The following ZNF665 variants were observed in gnomAD, a reference collection of about 807,000 sequenced individuals.
ZNF665 encodes the protein zinc finger protein 665.
ZNF665 carries 6 observed loss-of-function variants against 7.9 expected under a neutral mutation model. That is an observed-to-expected ratio of 0.76 (90% CI 0.42 to 1.50). The LOEUF (loss-of-function observed/expected upper bound fraction) is 1.50. ZNF665 is among the 40% of genes most tolerant of loss of function. The pLI is 0.01. For synonymous variants in ZNF665, 242 were observed against 274.5 expected (o/e 0.88, Z 1.17); for missense variants, 819 against 806.7 (o/e 1.02, Z -0.18).
chr19:53,169,432 A>T (rs2090640771), intron 3 of ZNF665, among the ~76,000 whole-genome samples: 1 of 152,180 alleles, frequency 6.6e-6, no homozygotes, highest in East Asian at 1.9e-4. Context: ...AAAAACTAAA[A>T]TTCTCACACA....
At chr19:53,182,729 T>C (rs2090747287) in intron 2 of ZNF665, 155 bp downstream of exon 2, 1 of 1,333,184 alleles carries the variant, frequency 7.5e-7, no homozygotes, top group African/African-American at 1.4e-5. Flanking sequence ...AGAGATGGAA[T>C]CTAAGTGAGA....
rs1405630360 is a variant in ZNF665, at chr19:53,163,049, T to C, written c.*1404A>G. 1.3e-5 allele frequency: 2 copies of C among 152,428 alleles called. No individual in the cohort carries two copies. The highest frequency in any genetic ancestry group is 2.1e-4 in the South Asian group (1 of 4,826). The allele number at this position is 152,428 out of a possible 1,614,324, so 9.4% of individuals were successfully genotyped here. A position where few individuals can be genotyped will look rare whatever the true frequency, so the allele number is the denominator to read the frequency against. On this transcript the variant is annotated 3_prime_UTR_variant, in exon 4 of 4. Transcript: ENST00000396424. ...GTAGAGAATTTCTTTCTTTCTTTTT[T>C]TGAGTCAGAGTTTCGCTCTTATTGC...
Position 53,164,513 on chromosome 19 carries a change from A to G in ZNF665, c.1977T>C (p.Cys659=). 1 of 1,611,032 alleles carries G rather than the reference A, an allele frequency of 6.2e-7. No homozygotes were observed. The highest frequency in any genetic ancestry group is 8.5e-7 in the Non-Finnish European group (1 of 1,178,910). ...TTGAATTTTGAGTAAAGACCTTGCC[A>G]CATTGGTTACATTTGTAAGGTTTGT... The part of the protein sequence containing the change: ...TGDKPYKCNQ[C]GKVFTQNSNL... Residue 659 remains cysteine (C), a synonymous_variant, in exon 4 of 4, where the codon TGT becomes TGC. Coordinates refer to ENST00000396424, the MANE Select transcript of ZNF665 (RefSeq NM_024733.5).
chr19:53,173,509 G>A (rs141652638), intron 3 of ZNF665, among the ~76,000 whole-genome samples: 341 of 151,624 alleles, frequency 2.2e-3, no homozygotes, highest in African/African-American at 7.9e-3. Flanking sequence ...CAAGTAGCTG[G>A]GACTACAGGT....
rs2090597691 is a variant in ZNF665, at chr19:53,165,112, A to G, written c.1378T>C (p.Cys460Arg). Residue 460 changes from cysteine to arginine, a missense_variant, in exon 4 of 4, where the codon TGT (cysteine) becomes CGT (arginine). Cys to Arg is a radical substitution (Grantham distance 180). Transcript: ENST00000396424. ...AIHTGEKPYK[C>R]NDCGKVFTQN... ...GTGAAGACCTTACCGCAGTCATTACATTTGTAAGGCTTTTCTCCAGTATGA... is the reference window on the plus strand; with the variant it reads ...GTGAAGACCTTACCGCAGTCATTACGTTTGTAAGGCTTTTCTCCAGTATGA... 6.2e-7 allele frequency: 1 copy of G among 1,613,904 alleles called. No homozygotes were observed.
intron 1 of ZNF665, among the ~76,000 whole-genome samples, chr19:53,186,720 T>A: frequency 1.9e-3 from 2 of 1,030 alleles, no homozygotes; most frequent in East Asian, 0.024. Context: ...CCCCCCCACC[T>A]CCCTCCCGGA....
At chr19:53,182,663 C>T in intron 2 of ZNF665, 1 of 958,292 alleles carries the variant, frequency 1.0e-6, no homozygotes, top group Non-Finnish European at 1.6e-6. Context: ...GGTGTGAGCC[C>T]TTCCCAGGTC....
At chr19:53,185,230 TG>T (rs1599885288) in intron 1 of ZNF665, among the ~76,000 whole-genome samples, 2 of 151,850 alleles carry the variant, frequency 1.3e-5, no homozygotes, top group African/African-American at 4.8e-5. Context: ...TAGCGGGTGT[TG>T]TTCCTTGCCA....
chr19:53,190,160 A>T (rs1265286531), intron 1 of ZNF665: 2 of 152,204 alleles, frequency 1.3e-5, no homozygotes, highest in Non-Finnish European at 2.9e-5. Context: ...ATTATACTGG[A>T]ACAGCTCGTG....
In ZNF665 at chr19:53,165,106, C is replaced by A; in HGVS notation, c.1384G>T (p.Asp462Tyr). 2 of 1,613,904 alleles carry A rather than the reference C, an allele frequency of 1.2e-6. No individual in the cohort carries two copies. Among genetic ancestry groups the A allele is most frequent in the African/African-American group, 1.3e-5 (1 of 74,966 alleles). ...TTTTGTGTGAAGACCTTACCGCAGT[C>A]ATTACATTTGTAAGGCTTTTCTCCA... The part of the protein sequence containing the change: ...HTGEKPYKCN[D>Y]CGKVFTQNSH... Residue 462 changes from aspartate to tyrosine, a missense_variant, in exon 4 of 4, where the codon GAC (aspartate) becomes TAC (tyrosine). Transcript: ENST00000396424.
At position 53,163,447 on chromosome 19, in the gene ZNF665, GCTCT is replaced by G. The variant is rs934094741; in HGVS notation, c.*1002_*1005del. The G allele has an allele frequency of 6.6e-6, 1 of 152,170 alleles. No homozygotes were observed. Among genetic ancestry groups the G allele is most frequent in the African/African-American group, 2.4e-5 (1 of 41,444 alleles). The allele number at this position is 152,170 out of a possible 1,614,324, so 9.4% of individuals were successfully genotyped here. A position where few individuals can be genotyped will look rare whatever the true frequency, so the allele number is the denominator to read the frequency against. On this transcript the variant is annotated 3_prime_UTR_variant, in exon 4 of 4. Coordinates refer to ENST00000396424, the MANE Select transcript of ZNF665 (RefSeq NM_024733.5). ...TCATCATCCTCTGCCCTTTCCAAGT[GCTCT>G]CTAATTCAGACTATATTTAATTTTA...
At chr19:53,167,595 C>T (rs1280316681) in intron 3 of ZNF665, among the ~76,000 whole-genome samples, 7 of 149,538 alleles carry the variant, frequency 4.7e-5, no homozygotes, top group Admixed American at 1.3e-4. Context: ...TACAGGCGCC[C>T]GCCACCGCGC....
chr19:53,191,118 C>T (rs1451613244), intron 1 of ZNF665, among the ~76,000 whole-genome samples: 3 of 152,136 alleles, frequency 2.0e-5, no homozygotes, highest in Non-Finnish European at 4.4e-5. Context: ...AGGGAACCCT[C>T]AACTAGTGGG....
chr19:53,189,838 C>A (rs915414994), intron 1 of ZNF665, among the ~76,000 whole-genome samples: 9 of 152,014 alleles, frequency 5.9e-5, no homozygotes, highest in South Asian at 2.1e-4. Flanking sequence ...ACTTACGCTA[C>A]CCCTAGACCA....
chr19:53,172,881 T>G (rs2090669303), intron 3 of ZNF665, among the ~76,000 whole-genome samples: 1 of 152,056 alleles, frequency 6.6e-6, no homozygotes, highest in Non-Finnish European at 1.5e-5. Flanking sequence ...CCTTGGCCAT[T>G]TTTTAAATTG....
At position 53,165,200 on chromosome 19, in the gene ZNF665, G is replaced by A; in HGVS notation, c.1290C>T (p.Tyr430=). ...HRRIHTGEKP[Y]RCDECGKAFS... ...AGGCTTTGCCACACTCATCACACCT[G>A]TAAGGTTTCTCTCCAGTATGAATTC... is the stretch of plus-strand genomic sequence containing the variant. Residue 430 remains tyrosine (Y), a synonymous_variant, in exon 4 of 4, where the codon TAC becomes TAT. Coordinates refer to ENST00000396424, the MANE Select transcript of ZNF665 (RefSeq NM_024733.5). The A allele has an allele frequency of 4.3e-6, 7 of 1,614,190 alleles. No homozygotes were observed. Among genetic ancestry groups the A allele is most frequent in the Non-Finnish European group, 5.9e-6 (7 of 1,180,028 alleles).
At chr19:53,189,139 G>A (rs992567989) in intron 1 of ZNF665, among the ~76,000 whole-genome samples, 5 of 150,910 alleles carry the variant, frequency 3.3e-5, no homozygotes, top group African/African-American at 1.2e-4. Context: ...TTCCCTTGAA[G>A]TAAAAGTTGA....
Position 53,163,753 on chromosome 19 carries a change from T to A in ZNF665, c.*700A>T, listed in dbSNP as rs1333920926. 5 of 152,234 alleles carry A rather than the reference T, an allele frequency of 3.3e-5. No individual in the cohort carries two copies. The highest frequency in any genetic ancestry group is 3.3e-4 in the Admixed American group (5 of 15,278). 9.4% of individuals were successfully genotyped at this position (152,234 alleles called of 1,614,324 possible). A position where few individuals can be genotyped will look rare whatever the true frequency, so the allele number is the denominator to read the frequency against. On this transcript the variant is annotated 3_prime_UTR_variant, in exon 4 of 4. Transcript: ENST00000396424. ...TTTGATATGTATCATGTAATGAGTT[T>A]TAACACATTTGGACTTCTGATTATG...
chr19:53,167,012 T>TTTC (rs2090620411), intron 3 of ZNF665, among the ~76,000 whole-genome samples: 1 of 150,920 alleles, frequency 6.6e-6, no homozygotes, highest in Admixed American at 6.6e-5. Flanking sequence ...TCTTTCTTTC[T>TTTC]TTTTTTTGAG....
Sources: allele counts gnomAD v4.1 joint callset (sites outside exome capture counted in the v4.1 genomes callset), GRCh38; gene constraint gnomAD v4.1.1; transcripts MANE v1.5; gene names NCBI Gene and HGNC (gene_info 2026-07-23, HGNC 2026-07-21).